PLCXD3: variants seen among roughly 807,000 people sequenced by gnomAD.
The protein encoded by PLCXD3 is PI-PLC X domain-containing protein 3.
Under a neutral mutation model 25.5 loss-of-function variants are expected in PLCXD3, and 19 were observed. The observed-to-expected ratio is 0.75, with a 90% CI of 0.52 to 1.09. The LOEUF is 1.09. Among genes scored for constraint, PLCXD3 ranks in the 50% least tolerant of loss-of-function variants. The pLI, the probability that PLCXD3 is intolerant of heterozygous loss-of-function variation, is 0.00. For synonymous variants in PLCXD3, 174 were observed against 137.6 expected (o/e 1.26, Z -1.85); for missense variants, 411 against 388.1 (o/e 1.06, Z -0.50).
chr5:41,314,289 C>T (rs941661457), intron 2 of PLCXD3, among the ~76,000 whole-genome samples: 3 of 152,182 alleles, frequency 2.0e-5, no homozygotes, highest in Non-Finnish European at 4.4e-5. Flanking sequence ...ACAATATAAT[C>T]AGGGCTCATT....
chr5:41,407,829 C>T (rs2150502102), intron 1 of PLCXD3, among the ~76,000 whole-genome samples: 1 of 152,326 alleles, frequency 6.6e-6, no homozygotes, highest in Non-Finnish European at 1.5e-5. Context: ...TGTGATTTCT[C>T]TTTGGGCAAA....
chr5:41,413,786 A>G (rs1488918707), intron 1 of PLCXD3, among the ~76,000 whole-genome samples: 1 of 152,168 alleles, frequency 6.6e-6, no homozygotes, highest in Non-Finnish European at 1.5e-5. Flanking sequence ...AAAATCACCT[A>G]TATTCTGCAC....
chr5:41,411,656 A>G (rs1253252380), intron 1 of PLCXD3, among the ~76,000 whole-genome samples: 2 of 151,984 alleles, frequency 1.3e-5, no homozygotes. Context: ...ATGCTACATG[A>G]TATTTGGTCT....
chr5:41,323,561 G>A (rs1000365834), intron 2 of PLCXD3, among the ~76,000 whole-genome samples: 1 of 152,120 alleles, frequency 6.6e-6, no homozygotes, highest in African/African-American at 2.4e-5. Flanking sequence ...TGTTAGCTAG[G>A]GGAATACTAT....
chr5:41,428,813 C>A (rs531225552), intron 1 of PLCXD3, among the ~76,000 whole-genome samples: 32 of 152,190 alleles, frequency 2.1e-4, no homozygotes, highest in Admixed American at 5.2e-4. Flanking sequence ...ACGCTTCATG[C>A]ACTGTTAAAA....
chr5:41,357,821 T>C (rs1393296744), intron 2 of PLCXD3, among the ~76,000 whole-genome samples: 1 of 152,184 alleles, frequency 6.6e-6, no homozygotes, highest in Non-Finnish European at 1.5e-5. Context: ...AACCCCAAGA[T>C]ATTTGTTGCA....
intron 1 of PLCXD3, among the ~76,000 whole-genome samples, chr5:41,494,866 T>A (rs1748800527): frequency 6.6e-6 from 1 of 151,974 alleles, no homozygotes; most frequent in South Asian, 2.1e-4. Context: ...TAGATGGCAA[T>A]AAAAGAGGCT....
chr5:41,388,135 A>T (rs1433492763), intron 1 of PLCXD3, among the ~76,000 whole-genome samples: 1 of 152,010 alleles, frequency 6.6e-6, no homozygotes. Flanking sequence ...TAAAAAAAAA[A>T]ATACATACAA....
chr5:41,326,709 C>CT (rs1266316615), intron 2 of PLCXD3, among the ~76,000 whole-genome samples: 1 of 152,062 alleles, frequency 6.6e-6, no homozygotes, highest in Non-Finnish European at 1.5e-5. Flanking sequence ...GATCCTTTTT[C>CT]TTTATGTTTT....
At chr5:41,405,227 G>C (rs1288147026) in intron 1 of PLCXD3, among the ~76,000 whole-genome samples, 1 of 152,060 alleles carries the variant, frequency 6.6e-6, no homozygotes, top group Non-Finnish European at 1.5e-5. Context: ...TCTTTTTCTA[G>C]GATAGAAGAA....
intron 1 of PLCXD3, among the ~76,000 whole-genome samples, chr5:41,487,452 A>C (rs536589157): frequency 6.6e-6 from 1 of 152,344 alleles, no homozygotes; most frequent in Admixed American, 6.5e-5. Context: ...ACAAATATTA[A>C]TTGGACATTG....
intron 2 of PLCXD3, among the ~76,000 whole-genome samples, chr5:41,378,383 A>G (rs1389790447): frequency 6.6e-6 from 1 of 152,140 alleles, no homozygotes; most frequent in Non-Finnish European, 1.5e-5. Flanking sequence ...CACATCTATA[A>G]TGACAAGGTT....
At chr5:41,356,400 C>T (rs1295392915) in intron 2 of PLCXD3, among the ~76,000 whole-genome samples, 1 of 152,120 alleles carries the variant, frequency 6.6e-6, no homozygotes, top group Non-Finnish European at 1.5e-5. Context: ...TAATTTGGTT[C>T]TGGGTAAAAA....
chr5:41,468,725 C>A (rs1438075343), intron 1 of PLCXD3, among the ~76,000 whole-genome samples: 1 of 152,010 alleles, frequency 6.6e-6, no homozygotes, highest in Non-Finnish European at 1.5e-5. Flanking sequence ...ATTCTATGTC[C>A]TGTAACTTTA....
chr5:41,391,625 C>T (rs1390549284), intron 1 of PLCXD3, among the ~76,000 whole-genome samples: 1 of 152,140 alleles, frequency 6.6e-6, no homozygotes, highest in East Asian at 1.9e-4. Flanking sequence ...TGAGTCTCAG[C>T]ACATTACCAC....
intron 2 of PLCXD3, among the ~76,000 whole-genome samples, chr5:41,318,944 CA>C (rs1011665433): frequency 6.6e-6 from 1 of 151,628 alleles, no homozygotes; most frequent in Admixed American, 6.6e-5. Flanking sequence ...AACAAATGAA[CA>C]AAAAAAGCAG....
intron 2 of PLCXD3, among the ~76,000 whole-genome samples, chr5:41,368,855 C>G (rs319007): frequency 0.1 from 15,459 of 152,182 alleles, 894 homozygotes; most frequent in Non-Finnish European, 0.12. Flanking sequence ...AGCTGACCAC[C>G]CTTTGCTAAC....
chr5:41,380,161 C>T (rs181632217), intron 2 of PLCXD3, among the ~76,000 whole-genome samples: 123 of 152,054 alleles, frequency 8.1e-4, no homozygotes, highest in African/African-American at 1.3e-3. Flanking sequence ...GCTTTAAATT[C>T]AGCATGACCC....
intron 1 of PLCXD3, among the ~76,000 whole-genome samples, chr5:41,483,309 A>C (rs1234118833): frequency 6.6e-6 from 1 of 152,166 alleles, no homozygotes; most frequent in Non-Finnish European, 1.5e-5. Flanking sequence ...AGAATGAGTG[A>C]GTTTTGCATT....
Sources: gnomAD v4.1 joint callset for allele counts (sites outside exome capture counted in the v4.1 genomes callset) on GRCh38, gnomAD v4.1.1 for gene constraint, MANE v1.5 for transcripts, NCBI Gene and HGNC (gene_info 2026-07-23, HGNC 2026-07-21) for gene names.